Variants in PLEKHA7 observed in about 807,000 individuals in gnomAD.
PLEKHA7 encodes pleckstrin homology domain-containing family A member 7.
A neutral mutation model predicts 170.0 loss-of-function variants in PLEKHA7; 104 were observed. The ratio of observed to expected loss-of-function variants is 0.61; its 90% CI spans 0.52 to 0.72. The LOEUF is 0.72. Ranked by LOEUF, PLEKHA7 falls within the 30% of genes least tolerant of loss-of-function variation. The pLI is 0.00. For synonymous variants in PLEKHA7, 648 were observed against 660.8 expected (o/e 0.98, Z 0.30); for missense variants, 1,615 against 1,671.7 (o/e 0.97, Z 0.59).
intron 3 of PLEKHA7, among the ~76,000 whole-genome samples, chr11:16,892,067 G>A (rs1185223398): frequency 6.6e-6 from 1 of 152,166 alleles, no homozygotes; most frequent in Non-Finnish European, 1.5e-5. Flanking sequence ...TCCATTGGTG[G>A]AAGTTTTCAA....
intron 3 of PLEKHA7, among the ~76,000 whole-genome samples, chr11:16,936,873 A>T (rs771966177): frequency 6.6e-6 from 1 of 152,256 alleles, no homozygotes; most frequent in Non-Finnish European, 1.5e-5. Flanking sequence ...TTGCCAAGAG[A>T]TAAGAACCCA....
chr11:17,002,854 G>C (rs1422852572), intron 3 of PLEKHA7, among the ~76,000 whole-genome samples: 1 of 149,060 alleles, frequency 6.7e-6, no homozygotes, highest in Non-Finnish European at 1.5e-5. Flanking sequence ...TTAATATTTT[G>C]TCCCATTTGC....
intron 4 of PLEKHA7, among the ~76,000 whole-genome samples, chr11:16,856,120 G>C (rs933033878): frequency 6.6e-6 from 1 of 152,144 alleles, no homozygotes; most frequent in Admixed American, 6.5e-5. Flanking sequence ...ATGACAGATA[G>C]GCACATCTCC....
At chr11:16,814,588 T>C (rs1237803815) in intron 12 of PLEKHA7, among the ~76,000 whole-genome samples, 1 of 152,212 alleles carries the variant, frequency 6.6e-6, no homozygotes, top group East Asian at 1.9e-4. Context: ...GTTTAGAACA[T>C]TGTGTCATGC....
At chr11:16,943,704 T>TG (rs1393312754) in intron 3 of PLEKHA7, among the ~76,000 whole-genome samples, 1 of 152,090 alleles carries the variant, frequency 6.6e-6, no homozygotes, top group African/African-American at 2.4e-5. Context: ...CACACAGAGA[T>TG]GGGTACTCGC....
intron 3 of PLEKHA7, among the ~76,000 whole-genome samples, chr11:16,883,273 G>T (rs1855845285): frequency 6.6e-6 from 1 of 152,194 alleles, no homozygotes; most frequent in South Asian, 2.1e-4. Flanking sequence ...AACAGGAAAT[G>T]CGAGGAGCTT....
intron 3 of PLEKHA7, among the ~76,000 whole-genome samples, chr11:16,953,923 A>C (rs1346447425): frequency 1.3e-5 from 2 of 152,230 alleles, no homozygotes; most frequent in African/African-American, 4.8e-5. Context: ...ATAAAACAAT[A>C]ATTTGCCCTT....
At position 16,803,235 on chromosome 11, in the gene PLEKHA7, C is replaced by T. The variant is rs756733200; in HGVS notation, c.2068G>A (p.Asp690Asn). The T allele has an allele frequency of 1.7e-5, 27 of 1,613,712 alleles. No homozygotes were observed. The South Asian group carries it at 2.5e-4, about 15-fold the overall frequency. ...SLKPVKIAESDTDVKLSIFCE... is the reference protein window; with the variant it reads ...SLKPVKIAESNTDVKLSIFCE... ...TCACTCTGCTCACTCACGTCAGTGTCGCTCTCAGCGATCTTCACAGGCTTC... is the reference window on the plus strand; with the variant it reads ...TCACTCTGCTCACTCACGTCAGTGTTGCTCTCAGCGATCTTCACAGGCTTC... The change falls in exon 14 of 27, where the codon GAC becomes AAC. Residue 690 changes from aspartate to asparagine, a missense_variant. Asp to Asn is a conservative substitution (Grantham distance 23). Transcript: ENST00000531066.
chr11:16,801,657 C>T lies in PLEKHA7; in HGVS notation c.2307+11G>A. The T allele has an allele frequency of 6.2e-7, 1 of 1,613,936 alleles. No homozygotes were observed. The highest frequency in any genetic ancestry group is 1.3e-5 in the African/African-American group (1 of 75,036). On this transcript the variant is annotated intron_variant, in intron 16 of 26. Transcript: ENST00000531066. ...GTCCTGAGGGAGACAGGTCTGCCAC[C>T]CTCTACGCACAGTGGACTCTCTGGA...
chr11:16,852,945 T>C (rs749923161), intron 6 of PLEKHA7, among the ~76,000 whole-genome samples: 4 of 152,260 alleles, frequency 2.6e-5, no homozygotes, highest in East Asian at 3.8e-4. Flanking sequence ...TGTTTGTATT[T>C]ATCAATAATG....
intron 3 of PLEKHA7, among the ~76,000 whole-genome samples, chr11:16,926,646 C>T (rs1170032175): frequency 6.6e-6 from 1 of 152,210 alleles, no homozygotes; most frequent in Non-Finnish European, 1.5e-5. Context: ...CTTGACAAAG[C>T]TGAGACGTTA....
intron 3 of PLEKHA7, among the ~76,000 whole-genome samples, chr11:16,954,547 A>AC (rs1565151418): frequency 2.0e-5 from 3 of 151,836 alleles, no homozygotes; most frequent in African/African-American, 7.3e-5. Context: ...AAAAAAAAAA[A>AC]CAAAAACTAA....
At chr11:17,001,634 T>C (rs370792831) in intron 3 of PLEKHA7, among the ~76,000 whole-genome samples, 18 of 151,742 alleles carry the variant, frequency 1.2e-4, no homozygotes, top group African/African-American at 3.9e-4. Flanking sequence ...CCCTGCACCA[T>C]AGAGTGTGAT....
At chr11:16,962,953 C>T (rs1862155623) in intron 3 of PLEKHA7, among the ~76,000 whole-genome samples, 1 of 152,212 alleles carries the variant, frequency 6.6e-6, no homozygotes, top group Admixed American at 6.5e-5. Context: ...GTTAAAGATA[C>T]AAGAGAAGCA....
At chr11:16,926,016 T>C (rs1304871548) in intron 3 of PLEKHA7, among the ~76,000 whole-genome samples, 3 of 152,248 alleles carry the variant, frequency 2.0e-5, no homozygotes, top group African/African-American at 7.2e-5. Context: ...TTGCCGCAAG[T>C]GCCCATCGGC....
intron 6 of PLEKHA7, among the ~76,000 whole-genome samples, chr11:16,852,970 G>T (rs1853105185): frequency 1.3e-5 from 2 of 152,148 alleles, no homozygotes; most frequent in Non-Finnish European, 2.9e-5. Context: ...AAATTACTGT[G>T]AATATTTTTC....
At chr11:16,928,303 T>C (rs1054970909) in intron 3 of PLEKHA7, among the ~76,000 whole-genome samples, 1 of 152,026 alleles carries the variant, frequency 6.6e-6, no homozygotes, top group African/African-American at 2.4e-5. Flanking sequence ...GAGTGAGACT[T>C]TGTCTCAAAA....
chr11:16,818,361 T>C (rs1419215216), intron 10 of PLEKHA7, among the ~76,000 whole-genome samples: 2 of 152,244 alleles, frequency 1.3e-5, no homozygotes, highest in African/African-American at 4.8e-5. Flanking sequence ...GGTCCTTCAC[T>C]AACGTGTGTA....
intron 13 of PLEKHA7, among the ~76,000 whole-genome samples, chr11:16,806,890 T>A (rs1849029284): frequency 6.6e-6 from 1 of 152,200 alleles, no homozygotes; most frequent in Non-Finnish European, 1.5e-5. Flanking sequence ...CACAAGCTGG[T>A]GGCAAGCCAG....
Sources: allele counts gnomAD v4.1 joint callset (sites outside exome capture counted in the v4.1 genomes callset), GRCh38; gene constraint gnomAD v4.1.1; transcripts MANE v1.5; gene names NCBI Gene and HGNC (gene_info 2026-07-23, HGNC 2026-07-21).